CNTNAP2: variants seen among roughly 807,000 people sequenced by gnomAD.
CNTNAP2 encodes the protein contactin-associated protein-like 2.
CNTNAP2 carries 98 observed loss-of-function variants against 155.2 expected under a neutral mutation model. The ratio of observed to expected loss-of-function variants is 0.63; its 90% CI spans 0.54 to 0.75. CNTNAP2 has a LOEUF of 0.75. CNTNAP2 is among the 30% of genes least tolerant of loss of function. The probability of loss-of-function intolerance (pLI) is 0.00; values close to 1 mark genes in which losing one functional copy is unlikely to be tolerated. For missense variants in CNTNAP2, 1,727 were observed against 1,688.1 expected (o/e 1.02, Z -0.40); for synonymous variants, 651 against 631.2 (o/e 1.03, Z -0.47).
intron 10 of CNTNAP2, among the ~76,000 whole-genome samples, chr7:147,431,028 G>A (rs1212835674): frequency 2.0e-5 from 3 of 149,984 alleles, no homozygotes; most frequent in Non-Finnish European, 4.4e-5. Context: ...TCCAGGCTGG[G>A]CGACAGAGTG....
Position 146,953,756 on chromosome 7 carries a change from C to T in CNTNAP2, c.403-90151C>T, listed in dbSNP as rs371295472. ...TACCTGAGACAAAGCTAGCAAATGC[C>T]GACTGATTGAACAATTCCAGCTCTG... On this transcript the variant is annotated intron_variant, in intron 3 of 23. Transcript: ENST00000361727. 7.9e-5 allele frequency among the ~76,000 whole-genome samples: 12 copies of T among 151,876 alleles called. No homozygotes were observed. The East Asian group carries it at 1.5e-3, about 20-fold the overall frequency.
intron 11 of CNTNAP2, among the ~76,000 whole-genome samples, chr7:147,550,892 T>TA (rs1799839465): frequency 6.6e-6 from 1 of 152,218 alleles, no homozygotes; most frequent in Admixed American, 6.5e-5. Context: ...TGTGTGTACT[T>TA]AAACCACAAT....
chr7:148,044,983 CG>C (rs1563179153), intron 15 of CNTNAP2, among the ~76,000 whole-genome samples: 2 of 152,164 alleles, frequency 1.3e-5, no homozygotes, highest in African/African-American at 4.8e-5. Flanking sequence ...GGAGCCACCA[CG>C]CCCAGCCACC....
chr7:148,093,430 A>G (rs1454200526), intron 15 of CNTNAP2, among the ~76,000 whole-genome samples: 3 of 152,256 alleles, frequency 2.0e-5, no homozygotes, highest in Admixed American at 1.3e-4. Flanking sequence ...ATTCCCTAGA[A>G]TTAGTATTCT....
At position 146,678,777 on chromosome 7, in the gene CNTNAP2, T is replaced by C. The variant is rs541157622; in HGVS notation, c.98-95494T>C. Among the ~76,000 whole-genome samples the C allele has an allele frequency of 2.0e-5, 3 of 152,338 alleles. No individual in the cohort carries two copies. The East Asian group carries it at 5.8e-4, about 29-fold the overall frequency. On this transcript the variant is annotated intron_variant, in intron 1 of 23. Coordinates refer to ENST00000361727, the MANE Select transcript of CNTNAP2 (RefSeq NM_014141.6). ...TTCCTCCTTTTGTATAGACAATTAA[T>C]ATAGAACATTTTAAAATAGACTATT...
chr7:147,865,703 GT>G (rs1364585935), intron 13 of CNTNAP2, among the ~76,000 whole-genome samples: 3 of 152,178 alleles, frequency 2.0e-5, no homozygotes, highest in Admixed American at 2.0e-4. Context: ...AGATTTTCTA[GT>G]TTATTTGCGT....
chr7:146,631,964 A>G (rs941475906), intron 1 of CNTNAP2, among the ~76,000 whole-genome samples: 37 of 152,314 alleles, frequency 2.4e-4, no homozygotes, highest in Middle Eastern at 3.4e-3. Flanking sequence ...TAAGATAAAA[A>G]TTGATTAAAA....
chr7:147,670,199 A>T (rs1795765088), intron 13 of CNTNAP2, among the ~76,000 whole-genome samples: 1 of 152,096 alleles, frequency 6.6e-6, no homozygotes, highest in African/African-American at 2.4e-5. Flanking sequence ...CTTGTTTTTT[A>T]AATTTCCGGG....
At chr7:147,390,018 A>G (rs1010377874) in intron 9 of CNTNAP2, among the ~76,000 whole-genome samples, 1 of 152,160 alleles carries the variant, frequency 6.6e-6, no homozygotes, top group Non-Finnish European at 1.5e-5. Flanking sequence ...TGAGCTTTGG[A>G]GTAGTCACTG....
At chr7:147,429,487 T>G (rs1215413070) in intron 10 of CNTNAP2, among the ~76,000 whole-genome samples, 1 of 152,116 alleles carries the variant, frequency 6.6e-6, no homozygotes, top group Non-Finnish European at 1.5e-5. Flanking sequence ...ATGCATTGTT[T>G]GTGAAGCTTT....
intron 8 of CNTNAP2, among the ~76,000 whole-genome samples, chr7:147,173,273 G>C (rs1802268322): frequency 1.3e-5 from 2 of 151,908 alleles, no homozygotes; most frequent in South Asian, 4.2e-4. Context: ...ATTTACATAA[G>C]CCAAGTCCTA....
chr7:147,004,550 G>C (rs759520539), intron 3 of CNTNAP2, among the ~76,000 whole-genome samples: 1 of 151,980 alleles, frequency 6.6e-6, no homozygotes, highest in Non-Finnish European at 1.5e-5. Flanking sequence ...TGGCAAGTGG[G>C]GAAGAGAAAT....
At chr7:146,291,229 A>G (rs1412644808) in intron 1 of CNTNAP2, among the ~76,000 whole-genome samples, 3 of 152,204 alleles carry the variant, frequency 2.0e-5, no homozygotes, top group Admixed American at 6.5e-5. Flanking sequence ...GCATGTAAGA[A>G]TATCTTCTGT....
At chr7:148,398,034 G>A (rs904789236) in intron 22 of CNTNAP2, among the ~76,000 whole-genome samples, 1 of 152,188 alleles carries the variant, frequency 6.6e-6, no homozygotes, top group African/African-American at 2.4e-5. Context: ...AATTTCCCTT[G>A]TGCTAATGCA....
intron 13 of CNTNAP2, among the ~76,000 whole-genome samples, chr7:147,641,681 A>G (rs553520669): frequency 2.6e-5 from 4 of 152,198 alleles, no homozygotes; most frequent in Admixed American, 1.3e-4. Context: ...TCCTAGTCCA[A>G]TAGGATTGGT....
intron 1 of CNTNAP2, among the ~76,000 whole-genome samples, chr7:146,420,209 G>T (rs1795991888): frequency 6.6e-6 from 1 of 152,060 alleles, no homozygotes; most frequent in African/African-American, 2.4e-5. Flanking sequence ...AGGTAACTTT[G>T]AATTGGTTAA....
At chr7:146,297,892 C>A (rs1390975890) in intron 1 of CNTNAP2, among the ~76,000 whole-genome samples, 1 of 152,150 alleles carries the variant, frequency 6.6e-6, no homozygotes, top group East Asian at 1.9e-4. Context: ...CCCTTGCATA[C>A]ACAGACACAC....
At chr7:147,136,268 C>A (rs933381038) in intron 8 of CNTNAP2, among the ~76,000 whole-genome samples, 1 of 151,956 alleles carries the variant, frequency 6.6e-6, no homozygotes, top group Admixed American at 6.6e-5. Context: ...TCCAAAAAGT[C>A]ATTCAGAATA....
chr7:147,369,068 A>G (rs975432863), intron 9 of CNTNAP2, among the ~76,000 whole-genome samples: 25 of 152,234 alleles, frequency 1.6e-4, no homozygotes, highest in African/African-American at 6.0e-4. Flanking sequence ...TATGGTCTAT[A>G]CAACGGAAAA....
Sources: gnomAD v4.1 joint callset for allele counts (sites outside exome capture counted in the v4.1 genomes callset) on GRCh38, gnomAD v4.1.1 for gene constraint, MANE v1.5 for transcripts, NCBI Gene and HGNC (gene_info 2026-07-23, HGNC 2026-07-21) for gene names.